The following C12orf42 variants were observed in gnomAD, a reference collection of about 807,000 sequenced individuals.
C12orf42 encodes the protein chromosome 12 open reading frame 42.
C12orf42 carries 25 observed loss-of-function variants against 21.6 expected under a neutral mutation model. That is an observed-to-expected ratio of 1.16 (90% CI 0.84 to 1.62). The LOEUF is 1.62. C12orf42 is among the 40% of genes most tolerant of loss of function. The probability of loss-of-function intolerance (pLI) is 0.00; values close to 1 mark genes in which losing one functional copy is unlikely to be tolerated. For missense variants in C12orf42, 483 were observed against 459.3 expected, an observed-to-expected ratio of 1.05 and a Z score of -0.47; for synonymous variants, 174 against 175.0, an observed-to-expected ratio of 0.99 and a Z score of 0.05.
At chr12:103,148,031 T>C in the C12orf42 span, among the ~76,000 whole-genome samples, 15 of 152,160 alleles carry the variant, frequency 9.9e-5, 1 homozygote, top group African/African-American at 3.4e-4. Context: ...CATTGAATTT[T>C]AGAAGGACAA....
At chr12:103,076,303 T>TA in the C12orf42 span, among the ~76,000 whole-genome samples, 2 of 151,304 alleles carry the variant, frequency 1.3e-5, no homozygotes, top group African/African-American at 4.9e-5. Flanking sequence ...TTTTTTTTTT[T>TA]AAATAAGTAA....
intron 2 of C12orf42, among the ~76,000 whole-genome samples, chr12:103,460,211 C>T (rs1489811768): frequency 6.6e-6 from 1 of 151,752 alleles, no homozygotes; most frequent in African/African-American, 2.4e-5. Flanking sequence ...ATTCACGGAC[C>T]TTTGTTTGGT....
At chr12:103,424,702 C>A (rs1265519386) in intron 2 of C12orf42, among the ~76,000 whole-genome samples, 2 of 152,238 alleles carry the variant, frequency 1.3e-5, no homozygotes, top group African/African-American at 2.4e-5. Context: ...CGGGTACCTA[C>A]ACTACCAGGG....
chr12:103,301,740 C>T (rs2037662830), downstream of C12orf42, among the ~76,000 whole-genome samples: 1 of 152,132 alleles, frequency 6.6e-6, no homozygotes, highest in South Asian at 2.1e-4. Flanking sequence ...TAGAAAACAT[C>T]CTTAAGCCAA....
the C12orf42 span, among the ~76,000 whole-genome samples, chr12:103,088,092 C>G: frequency 6.6e-6 from 1 of 152,164 alleles, no homozygotes; most frequent in Non-Finnish European, 1.5e-5. Context: ...AGCAAAGCAA[C>G]TGGGATAGAA....
chr12:103,452,931 CGAGTT>C (rs1209814169), intron 2 of C12orf42, among the ~76,000 whole-genome samples: 3 of 151,708 alleles, frequency 2.0e-5, no homozygotes, highest in African/African-American at 7.3e-5. Context: ...ATGTAAATGA[CGAGTT>C]AATGGGTGCA....
the C12orf42 span, among the ~76,000 whole-genome samples, chr12:103,136,143 A>G: frequency 2.6e-5 from 4 of 152,328 alleles, no homozygotes; most frequent in Admixed American, 2.6e-4. Flanking sequence ...TCTATCTAGA[A>G]AAACCTACAG....
the C12orf42 span, among the ~76,000 whole-genome samples, chr12:103,058,673 A>G: frequency 1.3e-5 from 2 of 152,232 alleles, no homozygotes; most frequent in Non-Finnish European, 2.9e-5. Flanking sequence ...CAGGGTCAAG[A>G]AACTCACTCA....
chr12:103,121,992 C>T, the C12orf42 span, among the ~76,000 whole-genome samples: 1 of 152,064 alleles, frequency 6.6e-6, no homozygotes, highest in African/African-American at 2.4e-5. Flanking sequence ...AGACATAGCC[C>T]TTGTCTCTGC....
the C12orf42 span, among the ~76,000 whole-genome samples, chr12:103,153,921 G>A: frequency 2.7e-5 from 4 of 147,276 alleles, no homozygotes; most frequent in Admixed American, 7.1e-5. Context: ...TCCATCAACA[G>A]CAGAATGAAT....
chr12:103,133,471 A>C, the C12orf42 span, among the ~76,000 whole-genome samples: 9 of 152,114 alleles, frequency 5.9e-5, no homozygotes, highest in Middle Eastern at 3.4e-3. Context: ...TGCTCATCTC[A>C]CTGCTGTCAC....
At chr12:103,352,660 T>C (rs1241864659) in intron 4 of C12orf42, among the ~76,000 whole-genome samples, 1 of 152,080 alleles carries the variant, frequency 6.6e-6, no homozygotes, top group Admixed American at 6.6e-5. Flanking sequence ...GAAGGCACAA[T>C]TAAACAGGCT....
intron 4 of C12orf42, among the ~76,000 whole-genome samples, chr12:103,278,682 A>G (rs1256943500): frequency 6.6e-6 from 1 of 152,228 alleles, no homozygotes; most frequent in African/African-American, 2.4e-5. Flanking sequence ...CTCTTCTTCC[A>G]TTGCTCATGT....
chr12:103,372,873 ATTAAT>A (rs1343509578), intron 3 of C12orf42, among the ~76,000 whole-genome samples: 1 of 152,200 alleles, frequency 6.6e-6, no homozygotes, highest in African/African-American at 2.4e-5. Context: ...ACTGAATGGA[ATTAAT>A]TTATGTTTTA....
chr12:103,393,391 G>A (rs1179861505), intron 3 of C12orf42, among the ~76,000 whole-genome samples: 2 of 152,080 alleles, frequency 1.3e-5, no homozygotes, highest in Non-Finnish European at 2.9e-5. Flanking sequence ...ACTATCACAA[G>A]AACAGTACCA....
In C12orf42 at chr12:103,358,951, C is replaced by T. The variant is rs564854597; in HGVS notation, c.259+9936G>A. Among the ~76,000 whole-genome samples, 17 of 152,202 alleles carry T rather than the reference C, an allele frequency of 1.1e-4. No individual in the cohort carries two copies. The East Asian group carries it at 2.1e-3, about 19-fold the overall frequency. On this transcript the variant is annotated intron_variant, in intron 4 of 5. Coordinates refer to ENST00000548883, the MANE Select transcript of C12orf42 (RefSeq NM_198521.5). ...GAGCCCAGAATAAATCCAAAACTCC[C>T]CATTGTAACCTAGAAAGTTCTTCAT...
the C12orf42 span, among the ~76,000 whole-genome samples, chr12:103,195,631 T>C: frequency 6.6e-6 from 1 of 152,138 alleles, no homozygotes. Flanking sequence ...GCCCATTTTT[T>C]AATGGGGTTG....
chr12:103,477,934 T>C (rs1478773029), intron 2 of C12orf42: 5 of 182,502 alleles, frequency 2.7e-5, no homozygotes, highest in African/African-American at 9.6e-5. Context: ...TACCAGAGCA[T>C]TTGTAGTTTT....
At chr12:103,209,295 A>G in the C12orf42 span, among the ~76,000 whole-genome samples, 2 of 152,234 alleles carry the variant, frequency 1.3e-5, no homozygotes, top group East Asian at 1.9e-4. Context: ...TCAAATGTCA[A>G]TAGTTTCCAG....
Sources: gnomAD v4.1 joint callset for allele counts (sites outside exome capture counted in the v4.1 genomes callset) on GRCh38, gnomAD v4.1.1 for gene constraint, MANE v1.5 for transcripts, NCBI Gene and HGNC (gene_info 2026-07-23, HGNC 2026-07-21) for gene names.